The following DDX46 variants were observed in gnomAD, a reference collection of about 807,000 sequenced individuals.
DDX46 encodes DEAD-box helicase 46.
In DDX46, 30 loss-of-function variants were observed where a neutral mutation model predicts 134.9. The observed-to-expected ratio is 0.22, with a 90% CI of 0.17 to 0.30. DDX46 has a LOEUF of 0.30. Ranked by LOEUF, DDX46 falls within the 10% of genes least tolerant of loss-of-function variation. The pLI is 1.00. For synonymous variants in DDX46, 415 were observed against 404.1 expected, an observed-to-expected ratio of 1.03 and a Z score of -0.32; for missense variants, 622 against 1,248.7, an observed-to-expected ratio of 0.50 and a Z score of 7.56.
chr5:134,764,186 T>A (rs1242884058), intron 2 of DDX46, 94 bp downstream of exon 2: 6 of 1,298,860 alleles, frequency 4.6e-6, no homozygotes, highest in Non-Finnish European at 6.2e-6. Context: ...AACTGGAGTT[T>A]GGTGGCCCAA....
At chr5:134,808,053 TC>T in intron 16 of DDX46, 112 bp downstream of exon 16, 1 of 1,002,914 alleles carries the variant, frequency 1.0e-6, no homozygotes, top group Non-Finnish European at 1.4e-6. Flanking sequence ...AAATCTTTAA[TC>T]CACATAATGT....
chr5:134,769,086 T>G (rs1753675012), intron 3 of DDX46, among the ~76,000 whole-genome samples: 1 of 152,100 alleles, frequency 6.6e-6, no homozygotes, highest in South Asian at 2.1e-4. Flanking sequence ...CATTAGAACA[T>G]TAGAACATTC....
chr5:134,766,006 A>G (rs759925982), intron 2 of DDX46, among the ~76,000 whole-genome samples: 7 of 152,190 alleles, frequency 4.6e-5, no homozygotes, highest in Non-Finnish European at 7.3e-5. Context: ...TGAAGTCTCC[A>G]TATTTTATAG....
Position 134,830,528 on chromosome 5 carries a change from A to G in DDX46, c.*1822A>G, listed in dbSNP as rs1488197636. 4 of 152,348 alleles carry G rather than the reference A, an allele frequency of 2.6e-5. No individual in the cohort carries two copies. The East Asian group carries it at 7.7e-4, about 29-fold the overall frequency. 9.4% of individuals were successfully genotyped at this position (152,348 alleles called of 1,614,324 possible). A position where few individuals can be genotyped will look rare whatever the true frequency, so the allele number is the denominator to read the frequency against. Reference sequence around the variant, plus strand: ...AAAAATAAATAAATAAAAGCATACTATAGTTGTAAAAACAAATAATTTTAA... The same window carrying G: ...AAAAATAAATAAATAAAAGCATACTGTAGTTGTAAAAACAAATAATTTTAA... On this transcript the variant is annotated 3_prime_UTR_variant, in exon 23 of 23. Transcript: ENST00000452510.
At chr5:134,793,490 C>T (rs541952327) in intron 13 of DDX46, among the ~76,000 whole-genome samples, 141 of 152,190 alleles carry the variant, frequency 9.3e-4, no homozygotes, top group African/African-American at 3.3e-3. Context: ...CTGCAACCTC[C>T]GCCTCCCAGG....
At chr5:134,785,645 A>G in intron 11 of DDX46, 59 bp downstream of exon 11, 16 of 1,534,674 alleles carry the variant, frequency 1.0e-5, no homozygotes, top group Non-Finnish European at 1.4e-5. Context: ...ATGATTCAAT[A>G]AAGTAAAAGT....
chr5:134,813,684 G>A (rs1249399034), intron 18 of DDX46, among the ~76,000 whole-genome samples: 1 of 152,112 alleles, frequency 6.6e-6, no homozygotes, highest in Non-Finnish European at 1.5e-5. Context: ...AAACTGGAGT[G>A]TAGTGGTGCG....
intron 19 of DDX46, chr5:134,816,909 T>C: frequency 4.0e-6 from 1 of 252,688 alleles, no homozygotes; most frequent in Non-Finnish European, 7.5e-6. Flanking sequence ...TTTTCTTTCT[T>C]TATCTGCTTT....
chr5:134,804,294 T>G (rs1754919081), intron 15 of DDX46, among the ~76,000 whole-genome samples: 1 of 152,202 alleles, frequency 6.6e-6, no homozygotes. Context: ...TCTCATTCTC[T>G]CTTCTCTCTA....
At chr5:134,810,379 C>A (rs1755108419) in intron 16 of DDX46, among the ~76,000 whole-genome samples, 1 of 151,186 alleles carries the variant, frequency 6.6e-6, no homozygotes, top group African/African-American at 2.4e-5. Context: ...ACTCTTGTCA[C>A]CCAGACTGGA....
At chr5:134,765,388 A>C (rs1753536180) in intron 2 of DDX46, among the ~76,000 whole-genome samples, 1 of 151,106 alleles carries the variant, frequency 6.6e-6, no homozygotes, top group South Asian at 2.1e-4. Flanking sequence ...TACTAAAAAA[A>C]AAAAAAAAAA....
At chr5:134,826,394 C>G (rs1755591932) in intron 21 of DDX46, 1 of 152,226 alleles carries the variant, frequency 6.6e-6, no homozygotes, top group African/African-American at 2.4e-5. Flanking sequence ...CTACGCTTCT[C>G]TTATTCTTCA....
At chr5:134,766,740 A>C (rs1753579788) in intron 2 of DDX46, among the ~76,000 whole-genome samples, 177 bp from the exon 3 acceptor site, 1 of 152,070 alleles carries the variant, frequency 6.6e-6, no homozygotes, top group Admixed American at 6.6e-5. Flanking sequence ...TGAAAGAAAT[A>C]AATTAGTATT....
chr5:134,808,061 A>G (rs955730610), intron 16 of DDX46, 120 bp downstream of exon 16: 5 of 905,302 alleles, frequency 5.5e-6, no homozygotes, highest in Admixed American at 3.1e-5. Context: ...AATCCACATA[A>G]TGTGAAGAGT....
intron 15 of DDX46, chr5:134,797,180 A>AAAC (rs1230455105): frequency 3.5e-6 from 1 of 286,668 alleles, no homozygotes; most frequent in East Asian, 1.2e-4. Context: ...AAAAAAAAAA[A>AAAC]AAAAAAAAAA....
rs148523909 is a variant in DDX46 at position 134,781,359 on chromosome 5, T to C, written c.879+113T>C. The C allele has an allele frequency of 3.5e-3, 2,705 of 776,340 alleles. 5 individuals carry two copies. The highest frequency in any genetic ancestry group is 5.0e-3 in the Non-Finnish European group (2,417 of 480,304). The allele number at this position is 776,340 out of a possible 1,614,324, so 48.1% of individuals were successfully genotyped here. ...TGTGAGCTAGGAGAAATTCCCAGAA[T>C]TGAGAGACATTCTTGCTATTCTTAG... is the stretch of plus-strand genomic sequence containing the variant. On this transcript the variant is annotated intron_variant, in intron 7 of 22. Coordinates refer to ENST00000452510, the MANE Select transcript of DDX46 (RefSeq NM_001300860.2).
intron 12 of DDX46, 70 bp downstream of exon 12, chr5:134,788,661 C>A: frequency 7.5e-7 from 1 of 1,340,350 alleles, no homozygotes; most frequent in Non-Finnish European, 1.1e-6. Context: ...AAAACAGATG[C>A]AAGAAACCAA....
intron 2 of DDX46, 73 bp downstream of exon 2, chr5:134,764,165 A>G: frequency 6.8e-7 from 1 of 1,464,738 alleles, no homozygotes; most frequent in East Asian, 2.4e-5. Flanking sequence ...CTTCTTGAAA[A>G]GTATGTTTTC....
Position 134,782,091 on chromosome 5 carries a change from A to G in DDX46, c.1045+5A>G. The stretch of plus-strand genomic sequence containing the variant: ...TAGCAAAAATGTCTCAAGAAGGTAA[A>G]ATTCCATTTTTTCATTTACTGGTTA... On this transcript the variant is annotated splice_donor_5th_base_variant and intron_variant, in intron 8 of 22. Coordinates refer to ENST00000452510, the MANE Select transcript of DDX46 (RefSeq NM_001300860.2). The G allele has an allele frequency of 6.3e-7, 1 of 1,580,420 alleles. No homozygotes were observed. The highest frequency in any genetic ancestry group is 8.5e-7 in the Non-Finnish European group (1 of 1,170,968).
Sources: allele counts gnomAD v4.1 joint callset (sites outside exome capture counted in the v4.1 genomes callset), GRCh38; gene constraint gnomAD v4.1.1; transcripts MANE v1.5; gene names NCBI Gene and HGNC (gene_info 2026-07-23, HGNC 2026-07-21).